MID1: variants seen among roughly 807,000 people sequenced by gnomAD.
MID1 encodes the protein E3 ubiquitin-protein ligase Midline-1.
MID1 carries 7 observed loss-of-function variants against 40.4 expected under a neutral mutation model. The ratio of observed to expected loss-of-function variants is 0.17; its 90% CI spans 0.10 to 0.33. The LOEUF is 0.33. MID1 is among the 10% of genes least tolerant of loss of function. The probability of loss-of-function intolerance (pLI) is 1.00; values close to 1 mark genes in which losing one functional copy is unlikely to be tolerated. For missense variants in MID1, 367 were observed against 558.5 expected, an observed-to-expected ratio of 0.66 and a Z score of 3.46; for synonymous variants, 229 against 221.2, an observed-to-expected ratio of 1.04 and a Z score of -0.31.
At chrX:10,716,087 G>C (rs2043300987) in intron 1 of MID1, among the ~76,000 whole-genome samples, 1 of 111,502 alleles carries the variant, frequency 9.0e-6, no homozygotes, top group Admixed American at 9.5e-5. Flanking sequence ...AAACCACAAA[G>C]ATGGGGAAAA....
At chrX:10,700,997 CACTT>C (rs1387310196) in intron 1 of MID1, among the ~76,000 whole-genome samples, 1 of 112,022 alleles carries the variant, frequency 8.9e-6, no homozygotes, top group Non-Finnish European at 1.9e-5. Flanking sequence ...AGTGATGAAA[CACTT>C]ACTTACTTTT....
intron 9 of MID1, 37 bp from the exon 10 acceptor site, chrX:10,449,753 C>G (rs1448787558): frequency 2.0e-6 from 2 of 1,004,194 alleles, no homozygotes; most frequent in African/African-American, 3.8e-5. Context: ...AAACAATGAG[C>G]CATGTTGCAC....
chrX:10,538,111 T>C (rs1933329356), intron 2 of MID1, among the ~76,000 whole-genome samples: 2 of 111,318 alleles, frequency 1.8e-5, no homozygotes, highest in African/African-American at 6.5e-5. Flanking sequence ...TAGCTGGGAC[T>C]ATAGGCATGT....
chrX:10,670,892 A>G (rs1004064674), intron 1 of MID1, among the ~76,000 whole-genome samples: 2 of 111,738 alleles, frequency 1.8e-5, no homozygotes, highest in Non-Finnish European at 3.8e-5. Context: ...CTCACTTCAT[A>G]TTTATCCAGA....
At chrX:10,470,580 C>G (rs967651801) in intron 6 of MID1, among the ~76,000 whole-genome samples, 1 of 112,346 alleles carries the variant, frequency 8.9e-6, no homozygotes, top group Non-Finnish European at 1.9e-5. Flanking sequence ...CTTCTCATTT[C>G]TCAACTCATG....
Position 10,562,784 on chromosome X carries a change from T to C in MID1, c.660+4104A>G, listed in dbSNP as rs149318978. On this transcript the variant is annotated intron_variant, in intron 2 of 9. Coordinates refer to ENST00000317552, the MANE Select transcript of MID1 (RefSeq NM_000381.4). ...GGAATATAGTTATTATTGCTATGTT[T>C]GTTGTCATCTCTTGCCTGCAGAATG... Among the ~76,000 whole-genome samples the C allele has an allele frequency of 7.1e-3, 758 of 106,726 alleles. 94 individuals carry two copies. Among genetic ancestry groups the C allele is most frequent in the African/African-American group, 0.027 (721 of 26,727 alleles). 92.7% of individuals were successfully genotyped at this position (106,726 alleles called of 115,157 possible). A position where few individuals can be genotyped will look rare whatever the true frequency, so the allele number is the denominator to read the frequency against.
chrX:10,678,435 A>G (rs1223766548), intron 1 of MID1, among the ~76,000 whole-genome samples: 1 of 112,126 alleles, frequency 8.9e-6, no homozygotes, highest in Non-Finnish European at 1.9e-5. Context: ...TCTGACTCTC[A>G]CCATCACCTC....
At chrX:10,599,619 T>C (rs1236883688) in intron 1 of MID1, among the ~76,000 whole-genome samples, 1 of 112,298 alleles carries the variant, frequency 8.9e-6, no homozygotes, top group Non-Finnish European at 1.9e-5. Context: ...CCAGGCCTCA[T>C]GCTCCTCATT....
intron 1 of MID1, among the ~76,000 whole-genome samples, chrX:10,619,862 C>T (rs1157328922): frequency 8.9e-6 from 1 of 112,030 alleles, no homozygotes; most frequent in Non-Finnish European, 1.9e-5. Context: ...GAATGCGAAA[C>T]CAAAATGAGA....
intron 1 of MID1, among the ~76,000 whole-genome samples, chrX:10,602,225 C>CTTTTTTTTT (rs56897260): frequency 0.033 from 2,764 of 83,236 alleles, 135 homozygotes; most frequent in African/African-American, 0.099. Context: ...TAGTTTCTGA[C>CTTTTTTTTT]TTTTTTTTTT....
intron 5 of MID1, among the ~76,000 whole-genome samples, chrX:10,478,608 T>A (rs1930141287): frequency 8.9e-6 from 1 of 112,123 alleles, no homozygotes; most frequent in Non-Finnish European, 1.9e-5. Context: ...GCAGCCTCAA[T>A]GCTATCTATA....
At chrX:10,499,265 G>A (rs1304098177) in intron 3 of MID1, among the ~76,000 whole-genome samples, 1 of 110,917 alleles carries the variant, frequency 9.0e-6, no homozygotes, top group Admixed American at 9.6e-5. Context: ...ATGACTATTC[G>A]GATCTTTTGC....
chrX:10,658,127 T>C (rs1427071790), intron 1 of MID1, among the ~76,000 whole-genome samples: 2 of 111,128 alleles, frequency 1.8e-5, no homozygotes, highest in East Asian at 2.8e-4. Context: ...GAAAAATTCT[T>C]AATAGTTCTG....
chrX:10,805,846 T>C (rs1385132195), intron 1 of MID1, among the ~76,000 whole-genome samples: 2 of 108,421 alleles, frequency 1.8e-5, no homozygotes, highest in Admixed American at 9.9e-5. Flanking sequence ...TTTTCATGTG[T>C]TTTTTGGCTG....
chrX:10,817,721 G>A (rs1211250619), intron 1 of MID1, among the ~76,000 whole-genome samples: 1 of 105,126 alleles, frequency 9.5e-6, no homozygotes, highest in Admixed American at 1.0e-4. Flanking sequence ...CTGGGTTAAC[G>A]TGATTCTCGT....
At position 10,642,502 on chromosome X, in the gene MID1, C is replaced by T. The variant is rs1211902695; in HGVS notation, c.-186-22083G>A. 1.7e-4 allele frequency among the ~76,000 whole-genome samples: 19 copies of T among 109,348 alleles called. 1 individual carries two copies. The highest frequency in any genetic ancestry group is 5.7e-4 in the African/African-American group (17 of 29,594). The allele number at this position is 109,348 out of a possible 115,157, so 95.0% of individuals were successfully genotyped here. On this transcript the variant is annotated intron_variant, in intron 1 of 10. Coordinates refer to the MID1 transcript ENST00000380785. ...AGGAGAACTACAAACCACTGCTCAA[C>T]GAAATAAAAGAGGACACAAACAAAT...
intron 2 of MID1, among the ~76,000 whole-genome samples, chrX:10,542,939 C>T (rs1933530452): frequency 8.9e-6 from 1 of 112,429 alleles, no homozygotes; most frequent in Admixed American, 9.4e-5. Flanking sequence ...ATACCAAACA[C>T]ATAATAATTC....
chrX:10,749,858 C>T (rs771472482), intron 1 of MID1, among the ~76,000 whole-genome samples: 1 of 111,564 alleles, frequency 9.0e-6, no homozygotes, highest in Non-Finnish European at 1.9e-5. Flanking sequence ...GAGAAGTCCA[C>T]CCTCATGATC....
intron 1 of MID1, among the ~76,000 whole-genome samples, chrX:10,648,415 TATG>T (rs1936283700): frequency 8.9e-6 from 1 of 112,216 alleles, no homozygotes; most frequent in South Asian, 3.7e-4. Context: ...AACTCTGCAT[TATG>T]ATACTTTGAA....
Sources: gnomAD v4.1 joint callset for allele counts (sites outside exome capture counted in the v4.1 genomes callset) on GRCh38, gnomAD v4.1.1 for gene constraint, MANE v1.5 for transcripts, NCBI Gene and HGNC (gene_info 2026-07-23, HGNC 2026-07-21) for gene names.